The following USP31 variants were observed in gnomAD, a reference collection of about 807,000 sequenced individuals.
The protein encoded by USP31 is ubiquitin carboxyl-terminal hydrolase 31.
Under a neutral mutation model 119.4 loss-of-function variants are expected in USP31, and 44 were observed. The observed-to-expected ratio is 0.37, with a 90% CI of 0.29 to 0.47. The LOEUF (loss-of-function observed/expected upper bound fraction) is 0.47, where lower values mean the gene tolerates loss of function less well. Ranked by LOEUF, USP31 falls within the 20% of genes least tolerant of loss-of-function variation. USP31 has a pLI of 0.99. For synonymous variants in USP31, 749 were observed against 705.6 expected, an observed-to-expected ratio of 1.06 and a Z score of -0.97; for missense variants, 1,643 against 1,730.2, an observed-to-expected ratio of 0.95 and a Z score of 0.89.
At chr16:23,141,307 T>C (rs966044267) in intron 1 of USP31, among the ~76,000 whole-genome samples, 10 of 152,332 alleles carry the variant, frequency 6.6e-5, no homozygotes, top group Middle Eastern at 3.4e-3. Context: ...TTCTGCATTT[T>C]ATTCTTCCTG....
intron 1 of USP31, among the ~76,000 whole-genome samples, chr16:23,109,676 G>A (rs1457479730): frequency 6.6e-6 from 1 of 152,118 alleles, no homozygotes; most frequent in Non-Finnish European, 1.5e-5. Context: ...ACTTCAGAGA[G>A]CTGAGCAAGG....
intron 8 of USP31, among the ~76,000 whole-genome samples, 184 bp from the exon 9 acceptor site, chr16:23,087,370 G>A (rs17740356): frequency 0.06 from 9,153 of 152,230 alleles, 374 homozygotes; most frequent in Non-Finnish European, 0.08. Flanking sequence ...ACCCAAATGC[G>A]ATTTACGTAT....
In USP31 at chr16:23,149,423, G is replaced by A. The variant is rs1250690551; in HGVS notation, c.-153C>T. ...GCGCAGCCGAGCCAGCGAGCGAGCG[G>A]CGGCCGGCGGGGCCAGCGGGCGCGC... On this transcript the variant is annotated 5_prime_UTR_variant, in exon 1 of 16. Transcript: ENST00000219689. Among the ~76,000 whole-genome samples the A allele has an allele frequency of 6.7e-6, 1 of 148,320 alleles. No homozygotes were observed. Among genetic ancestry groups the A allele is most frequent in the Non-Finnish European group, 1.5e-5 (1 of 66,480 alleles).
chr16:23,094,096 G>C (rs1238680342), intron 6 of USP31, among the ~76,000 whole-genome samples: 4 of 152,160 alleles, frequency 2.6e-5, no homozygotes, highest in African/African-American at 9.7e-5. Context: ...TCCTAGCCAA[G>C]GGAAGCTGTG....
At chr16:23,079,655 A>G in intron 13 of USP31, 1 of 282,348 alleles carries the variant, frequency 3.5e-6, no homozygotes, top group East Asian at 6.4e-5. Flanking sequence ...GTAAATGGGG[A>G]GCGCAGGTTA....
intron 13 of USP31, 36 bp downstream of exon 13, chr16:23,079,910 C>A: frequency 6.5e-7 from 1 of 1,546,092 alleles, no homozygotes; most frequent in Non-Finnish European, 8.7e-7. Context: ...CTGAAGGACT[C>A]GCCAGCACAG....
At chr16:23,109,701 G>T (rs1902241106) in intron 1 of USP31, among the ~76,000 whole-genome samples, 2 of 152,068 alleles carry the variant, frequency 1.3e-5, no homozygotes, top group Admixed American at 1.3e-4. Context: ...CATCACCAGT[G>T]GTAAGTCAGG....
At chr16:23,140,374 G>A (rs1903319842) in intron 1 of USP31, among the ~76,000 whole-genome samples, 2 of 152,090 alleles carry the variant, frequency 1.3e-5, no homozygotes, top group Non-Finnish European at 2.9e-5. Context: ...CATCTAGTGG[G>A]TGAAGGCCAG....
intron 1 of USP31, among the ~76,000 whole-genome samples, chr16:23,136,351 G>A (rs758033894): frequency 3.3e-5 from 5 of 152,072 alleles, no homozygotes; most frequent in African/African-American, 1.2e-4. Context: ...AAAAGTGGAC[G>A]TCATCAAAAT....
At chr16:23,074,095 G>C in intron 13 of USP31, 1 of 564,482 alleles carries the variant, frequency 1.8e-6, no homozygotes, top group African/African-American at 1.9e-5. Flanking sequence ...AGTAGATGCA[G>C]TTCCAGTTCA....
intron 1 of USP31, among the ~76,000 whole-genome samples, chr16:23,121,488 G>C (rs1251403481): frequency 6.6e-6 from 1 of 152,196 alleles, no homozygotes; most frequent in African/African-American, 2.4e-5. Context: ...ACCAATTCTA[G>C]TCAGTTCAGG....
chr16:23,130,415 C>T (rs1326778516), intron 1 of USP31, among the ~76,000 whole-genome samples: 3 of 151,684 alleles, frequency 2.0e-5, no homozygotes, highest in East Asian at 1.9e-4. Context: ...GTGACACCCC[C>T]CCCCCAACTA....
rs758574766 is a variant in USP31 at position 23,080,117 on chromosome 16, G to A, written c.2005C>T (p.Leu669=). The change falls in exon 13 of 16, where the codon CTG becomes TTG. Residue 669 remains leucine, a synonymous_variant. Transcript: ENST00000219689. ...TTAACCACGTGAGGTGTCATGTCCA[G>A]GCCAGTCAAGGGGAATTTGACCATG... ...QNMVKFPLTG[L]DMTPHVVKRS... The A allele has an allele frequency of 3.2e-5, 51 of 1,601,204 alleles. 1 individual carries two copies. The South Asian group carries it at 5.5e-4, about 17-fold the overall frequency.
chr16:23,139,544 C>T (rs1314064638), intron 1 of USP31, among the ~76,000 whole-genome samples: 1 of 152,230 alleles, frequency 6.6e-6, no homozygotes, highest in Non-Finnish European at 1.5e-5. Flanking sequence ...TGCTACCTCT[C>T]TGACTGCCCC....
At chr16:23,096,075 A>G (rs998230973) in intron 6 of USP31, among the ~76,000 whole-genome samples, 2 of 152,228 alleles carry the variant, frequency 1.3e-5, no homozygotes, top group Admixed American at 6.5e-5. Flanking sequence ...AAGACCCATC[A>G]GTGTGCTGTA....
chr16:23,074,345 C>A (rs921326108), intron 13 of USP31, among the ~76,000 whole-genome samples: 3 of 152,004 alleles, frequency 2.0e-5, no homozygotes, highest in Non-Finnish European at 4.4e-5. Flanking sequence ...GTGAAGAAAC[C>A]CTGAGTTCAG....
intron 15 of USP31, among the ~76,000 whole-genome samples, chr16:23,071,442 T>C (rs1258177733): frequency 1.3e-5 from 2 of 149,492 alleles, no homozygotes; most frequent in Non-Finnish European, 3.0e-5. Flanking sequence ...TATCCTGCCA[T>C]TACCCAAGCA....
Position 23,112,400 on chromosome 16 carries a change from G to GA in USP31, c.634-4218dup, listed in dbSNP as rs537049204. ...TCAAAACCAGCCTGACCAACATGGT[G>GA]AAACTCCGTCTCCACTAACACAAAA... On this transcript the variant is annotated intron_variant, in intron 1 of 15. Coordinates refer to ENST00000219689, the MANE Select transcript of USP31 (RefSeq NM_020718.4). Among the ~76,000 whole-genome samples, 36 of 152,122 alleles carry GA rather than the reference G, an allele frequency of 2.4e-4. No individual in the cohort carries two copies. The East Asian group carries it at 7.0e-3, about 29-fold the overall frequency.
rs150910568 is a variant in USP31, at chr16:23,103,810, G to A, written c.1090-1347C>T. Among the ~76,000 whole-genome samples the A allele has an allele frequency of 8.1e-4, 124 of 152,290 alleles. 1 individual carries two copies. The highest frequency in any genetic ancestry group is 2.7e-3 in the African/African-American group (114 of 41,558). ...TGCGCCTACAGTCCCCACTACTTGG[G>A]AAGCTGAGGTGGGAGGACTGCTTGA... On this transcript the variant is annotated intron_variant, in intron 5 of 15. Transcript: ENST00000219689.
Sources: allele counts gnomAD v4.1 joint callset (sites outside exome capture counted in the v4.1 genomes callset), GRCh38; gene constraint gnomAD v4.1.1; transcripts MANE v1.5; gene names NCBI Gene and HGNC (gene_info 2026-07-23, HGNC 2026-07-21).